Variants in CCDC171 observed in about 807,000 individuals in gnomAD.
CCDC171 encodes the protein coiled-coil domain-containing protein 171.
A neutral mutation model predicts 168.2 loss-of-function variants in CCDC171; 177 were observed. The observed-to-expected ratio is 1.05, with a 90% CI of 0.93 to 1.19. The LOEUF (loss-of-function observed/expected upper bound fraction) is 1.19. CCDC171 is among the 50% of genes most tolerant of loss of function. The pLI is 0.00. For missense variants in CCDC171, 1,991 were observed against 1,539.0 expected (o/e 1.29, Z -4.91); for synonymous variants, 687 against 540.8 (o/e 1.27, Z -3.75).
chr9:15,751,028 A>G (rs1436580223), intron 18 of CCDC171, among the ~76,000 whole-genome samples: 1 of 152,182 alleles, frequency 6.6e-6, no homozygotes, highest in Non-Finnish European at 1.5e-5. Context: ...AGAAAACCCC[A>G]TCGTCTCAGC....
chr9:16,013,508 A>AGGAGCAT (rs1832930119), intron 3 of CCDC171, among the ~76,000 whole-genome samples: 1 of 152,254 alleles, frequency 6.6e-6, no homozygotes, highest in South Asian at 2.1e-4. Flanking sequence ...TATGGGAGGC[A>AGGAGCAT]GGAGCATGTA....
At chr9:15,623,475 G>GCGCACGCGCACACACACACACACA in intron 7 of CCDC171, 62 bp downstream of exon 7, 1 of 311,464 alleles carries the variant, frequency 3.2e-6, no homozygotes, top group South Asian at 5.7e-5. Flanking sequence ...GCGCGCGCGC[G>GCGCACGCGCACACACACACACACA]CACACACACA....
chr9:15,977,842 CT>C (rs1447122890), downstream of CCDC171, among the ~76,000 whole-genome samples: 3 of 152,226 alleles, frequency 2.0e-5, no homozygotes, highest in East Asian at 5.8e-4. Context: ...CAGTAGATCC[CT>C]TCTGTGTTTT....
chr9:15,957,644 A>T lies in CCDC171; in HGVS notation c.3754-13965A>T, dbSNP rs1005803105. Among the ~76,000 whole-genome samples, 4 of 152,338 alleles carry T rather than the reference A, an allele frequency of 2.6e-5. No individual in the cohort carries two copies. In the South Asian group the frequency reaches 8.3e-4, roughly 32 times the overall value. ...GAAACTTTGAAGGTTTACATCAAAC[A>T]ATTAGATTTCTTCAAAATTTAGCTT... is the stretch of plus-strand genomic sequence containing the variant. On this transcript the variant is annotated intron_variant, in intron 25 of 25. Coordinates refer to ENST00000380701, the MANE Select transcript of CCDC171 (RefSeq NM_173550.4).
In CCDC171 at chr9:15,564,177, A is replaced by C. The variant is rs899864336; in HGVS notation, c.41+48A>C. The C allele has an allele frequency of 2.1e-6, 3 of 1,401,796 alleles. No homozygotes were observed. In the African/African-American group the frequency reaches 4.3e-5, roughly 20 times the overall value. 86.8% of individuals were successfully genotyped at this position (1,401,796 alleles called of 1,614,324 possible). On this transcript the variant is annotated intron_variant, in intron 2 of 25. Coordinates refer to ENST00000380701, the MANE Select transcript of CCDC171 (RefSeq NM_173550.4). Reference sequence around the variant, plus strand: ...TAGTTGATGAACGTTTTTAGTTGCAAGGAACAGGGAGAAGTCAGTGGTTGT... The same window carrying C: ...TAGTTGATGAACGTTTTTAGTTGCACGGAACAGGGAGAAGTCAGTGGTTGT...
At chr9:15,902,724 C>T (rs1325274690) in intron 24 of CCDC171, among the ~76,000 whole-genome samples, 1 of 152,198 alleles carries the variant, frequency 6.6e-6, no homozygotes, top group African/African-American at 2.4e-5. Context: ...TGAGCTGAAG[C>T]AGGGCAAGGC....
At chr9:15,671,449 T>C (rs1467936592) in intron 9 of CCDC171, among the ~76,000 whole-genome samples, 1 of 152,126 alleles carries the variant, frequency 6.6e-6, no homozygotes, top group African/African-American at 2.4e-5. Context: ...GCTGCATCCA[T>C]CAACTCGCTT....
the CCDC171 span, among the ~76,000 whole-genome samples, chr9:16,102,427 A>C: frequency 2.2e-5 from 3 of 134,634 alleles, no homozygotes; most frequent in African/African-American, 8.2e-5. Flanking sequence ...TCTCAGCCAA[A>C]GTTCATTATG....
At chr9:15,772,143 A>G (rs1034011249) in intron 18 of CCDC171, among the ~76,000 whole-genome samples, 1 of 152,104 alleles carries the variant, frequency 6.6e-6, no homozygotes, top group African/African-American at 2.4e-5. Context: ...CTGCACCAGT[A>G]TTTTTAAATT....
chr9:15,618,632 G>C (rs1335751301), intron 6 of CCDC171, among the ~76,000 whole-genome samples: 2 of 152,156 alleles, frequency 1.3e-5, no homozygotes, highest in African/African-American at 4.8e-5. Context: ...TTGAAACACA[G>C]GGCCCTGGTG....
intron 6 of CCDC171, among the ~76,000 whole-genome samples, chr9:15,597,223 C>G (rs1008747213): frequency 1.1e-4 from 16 of 151,978 alleles, no homozygotes; most frequent in Non-Finnish European, 2.2e-4. Flanking sequence ...TGTCTTGTGC[C>G]AGTTTTCAAA....
chr9:16,006,192 C>T (rs376890372), intron 3 of CCDC171, among the ~76,000 whole-genome samples: 2 of 152,230 alleles, frequency 1.3e-5, no homozygotes, highest in South Asian at 2.1e-4. Flanking sequence ...GCAAAAGTAA[C>T]TCCACCATTT....
At chr9:15,906,622 A>T (rs1271817359) in intron 24 of CCDC171, among the ~76,000 whole-genome samples, 1 of 152,216 alleles carries the variant, frequency 6.6e-6, no homozygotes, top group Admixed American at 6.5e-5. Context: ...CAAGACAGGG[A>T]TGCCCTCTCT....
intron 1 of CCDC171, among the ~76,000 whole-genome samples, chr9:16,048,524 C>T (rs1833697312): frequency 6.6e-6 from 1 of 152,184 alleles, no homozygotes; most frequent in Non-Finnish European, 1.5e-5. Flanking sequence ...TTTCAGGGTC[C>T]TCCTGTGCCC....
At chr9:16,090,546 C>T in the CCDC171 span, among the ~76,000 whole-genome samples, 2 of 152,088 alleles carry the variant, frequency 1.3e-5, no homozygotes, top group South Asian at 2.1e-4. Context: ...GCATATGTAT[C>T]CCAGAACTTA....
intron 21 of CCDC171, among the ~76,000 whole-genome samples, chr9:15,827,858 A>G (rs375065681): frequency 7.2e-5 from 11 of 152,152 alleles, no homozygotes; most frequent in African/African-American, 2.2e-4. Context: ...GTGTCTGAGC[A>G]ACTCATGTTA....
chr9:15,877,720 C>T (rs1282176282), intron 24 of CCDC171, among the ~76,000 whole-genome samples: 1 of 151,972 alleles, frequency 6.6e-6, no homozygotes, highest in Non-Finnish European at 1.5e-5. Context: ...AATGAAAAGT[C>T]CAGTGTAGTG....
At chr9:16,008,713 G>C (rs1037397162) in intron 3 of CCDC171, among the ~76,000 whole-genome samples, 3 of 152,154 alleles carry the variant, frequency 2.0e-5, no homozygotes, top group African/African-American at 7.2e-5. Flanking sequence ...CTAATTCTCA[G>C]AGCACAGCTA....
intron 3 of CCDC171, among the ~76,000 whole-genome samples, chr9:16,013,551 G>C (rs973603943): frequency 1.3e-5 from 2 of 152,214 alleles, no homozygotes; most frequent in South Asian, 4.1e-4. Flanking sequence ...GGCACAGCCA[G>C]ATGCAGGCTC....
Sources: gnomAD v4.1 joint callset for allele counts (sites outside exome capture counted in the v4.1 genomes callset) on GRCh38, gnomAD v4.1.1 for gene constraint, MANE v1.5 for transcripts, NCBI Gene and HGNC (gene_info 2026-07-23, HGNC 2026-07-21) for gene names.